The following VPS8 variants were observed in gnomAD, a reference collection of about 807,000 sequenced individuals.
The protein encoded by VPS8 is VPS8 subunit of CORVET complex.
A neutral mutation model predicts 216.4 loss-of-function variants in VPS8; 129 were observed. That is an observed-to-expected ratio of 0.60 (90% CI 0.52 to 0.69). The LOEUF (loss-of-function observed/expected upper bound fraction) is 0.69. Among genes scored for constraint, VPS8 ranks in the 30% least tolerant of loss-of-function variants. The pLI is 0.00. For synonymous variants in VPS8, 571 were observed against 565.4 expected, an observed-to-expected ratio of 1.01 and a Z score of -0.14; for missense variants, 1,531 against 1,683.5, an observed-to-expected ratio of 0.91 and a Z score of 1.59.
At chr3:185,048,678 C>A in intron 47 of VPS8, 119 bp downstream of exon 47, 1 of 1,073,830 alleles carries the variant, frequency 9.3e-7, no homozygotes, top group Non-Finnish European at 1.4e-6. Context: ...GCCCTGGCAT[C>A]CCTGTTATGG....
In VPS8 at chr3:184,983,107, G is replaced by A. The variant is rs776740468; in HGVS notation, c.3585+13G>A. On this transcript the variant is annotated intron_variant, in intron 42 of 47. Transcript: ENST00000625842. The stretch of plus-strand genomic sequence containing the variant: ...AAGAATCTTACAGGTGAGTTAAAAG[G>A]GGTGAATATTAAATATTGATTTCAA... 1.3e-6 allele frequency: 2 copies of A among 1,580,216 alleles called. No homozygotes were observed. Among genetic ancestry groups the A allele is most frequent in the South Asian group, 2.4e-5 (2 of 84,886 alleles).
At chr3:184,852,749 C>T (rs73188825) in intron 11 of VPS8, among the ~76,000 whole-genome samples, 182 bp downstream of exon 11, 12,219 of 152,108 alleles carry the variant, frequency 0.08, 672 homozygotes, top group Non-Finnish European at 0.11. Flanking sequence ...CTGGTCCTCC[C>T]GAGTTTTATC....
At chr3:184,904,569 T>C (rs1166386931) in intron 25 of VPS8, among the ~76,000 whole-genome samples, 1 of 152,250 alleles carries the variant, frequency 6.6e-6, no homozygotes, top group Non-Finnish European at 1.5e-5. Flanking sequence ...CTTTTAAATA[T>C]GTTGCTGGAT....
chr3:184,967,573 C>A lies in VPS8; in HGVS notation c.3316+860C>A, dbSNP rs930038217. On this transcript the variant is annotated intron_variant, in intron 39 of 47. Transcript: ENST00000625842. ...ATTGTGGTGGCCAGGCATGGTGGCT[C>A]ACACCTGTAATCCCAGCACTTTAGG... Among the ~76,000 whole-genome samples, 12 of 152,218 alleles carry A rather than the reference C, an allele frequency of 7.9e-5. No individual in the cohort carries two copies. The East Asian group carries it at 1.2e-3, about 15-fold the overall frequency.
At chr3:184,846,175 T>C (rs1226809817) in intron 8 of VPS8, among the ~76,000 whole-genome samples, 1 of 152,246 alleles carries the variant, frequency 6.6e-6, no homozygotes, top group East Asian at 1.9e-4. Context: ...ATAGTCATGA[T>C]ACCTTCTAAA....
chr3:184,970,721 G>A (rs1037705347), intron 39 of VPS8, among the ~76,000 whole-genome samples: 4 of 152,124 alleles, frequency 2.6e-5, no homozygotes, highest in Admixed American at 6.5e-5. Flanking sequence ...GTCCTTGGTG[G>A]TTTTTATGGA....
chr3:185,048,447 T>A (rs1713435273), intron 46 of VPS8, 32 bp from the exon 47 acceptor site: 1 of 1,609,630 alleles, frequency 6.2e-7, no homozygotes, highest in South Asian at 1.1e-5. Context: ...AGCCACGTGA[T>A]GTTGTTAATC....
At chr3:184,973,661 T>C (rs1227450087) in intron 40 of VPS8, among the ~76,000 whole-genome samples, 1 of 152,184 alleles carries the variant, frequency 6.6e-6, no homozygotes, top group African/African-American at 2.4e-5. Context: ...TTCTATCTAA[T>C]TGTATGCTTG....
rs1753160796 is a variant in VPS8 at position 184,999,862 on chromosome 3, GT to G, written c.4002+2del. 1.9e-6 allele frequency: 3 copies of G among 1,602,090 alleles called. No individual in the cohort carries two copies. The highest frequency in any genetic ancestry group is 2.6e-6 in the Non-Finnish European group (3 of 1,175,504). On this transcript the variant is annotated splice_donor_variant, in intron 45 of 47. Transcript: ENST00000625842. LOFTEE classifies it high-confidence loss of function. The stretch of plus-strand genomic sequence containing the variant: ...AAAGGGAAGGATAACCCCATCACAG[GT>G]AAGACTTGTTTTCGTGGCAAAATGG...
intron 15 of VPS8, 33 bp from the exon 16 acceptor site, chr3:184,862,864 T>G (rs1444192333): frequency 6.3e-7 from 1 of 1,593,628 alleles, no homozygotes; most frequent in Non-Finnish European, 8.6e-7. Flanking sequence ...GGGTGTGGTC[T>G]CACTTTTGTT....
intron 36 of VPS8, among the ~76,000 whole-genome samples, chr3:184,954,106 T>TA (rs2109439663): frequency 6.6e-6 from 1 of 152,242 alleles, no homozygotes; most frequent in East Asian, 1.9e-4. Context: ...ACACCTTACT[T>TA]ACATTTACTG....
chr3:184,984,540 G>A (rs1035664260), intron 42 of VPS8, among the ~76,000 whole-genome samples: 1 of 151,904 alleles, frequency 6.6e-6, no homozygotes, highest in South Asian at 2.1e-4. Flanking sequence ...TGATCCGCCC[G>A]CCTCAGCCTC....
At chr3:184,898,476 A>T (rs1398063655) in intron 23 of VPS8, 89 bp from the exon 24 acceptor site, 1 of 986,766 alleles carries the variant, frequency 1.0e-6, no homozygotes, top group African/African-American at 1.7e-5. Context: ...ATTAGGGAAG[A>T]GCATTCAAGA....
At chr3:184,821,906 A>G (rs911750338) in intron 1 of VPS8, among the ~76,000 whole-genome samples, 4 of 152,156 alleles carry the variant, frequency 2.6e-5, no homozygotes, top group Non-Finnish European at 5.9e-5. Context: ...TCCTGGTGAA[A>G]GACTCTGGCT....
At chr3:184,874,476 T>A (rs961559769) in intron 21 of VPS8, among the ~76,000 whole-genome samples, 1 of 152,198 alleles carries the variant, frequency 6.6e-6, no homozygotes, top group African/African-American at 2.4e-5. Flanking sequence ...GAATCAAGGT[T>A]CAAAGTGATC....
At chr3:185,034,304 A>G (rs552450092) in intron 46 of VPS8, among the ~76,000 whole-genome samples, 47 of 152,214 alleles carry the variant, frequency 3.1e-4, no homozygotes, top group African/African-American at 1.0e-3. Context: ...GGTTGATTAC[A>G]CGTCCTTGCT....
At chr3:185,044,509 T>C (rs1242054956) in intron 46 of VPS8, among the ~76,000 whole-genome samples, 3 of 152,122 alleles carry the variant, frequency 2.0e-5, no homozygotes, top group Non-Finnish European at 4.4e-5. Flanking sequence ...GAGGGAGGGT[T>C]GTCGCATCTG....
In VPS8 at chr3:184,894,761, G is replaced by T. The variant is rs370354028; in HGVS notation, c.1840G>T (p.Val614Leu). The change falls in exon 23 of 48, where the codon GTA becomes TTA. Residue 614 changes from valine (V) to leucine (L), a missense_variant. Physicochemically the swap from Val to Leu is conservative, Grantham distance 32. This residue lies in a region of VPS8 where 1,318 missense variants were observed against 1,468.4 expected (regional missense o/e 0.90). Coordinates refer to ENST00000625842, the MANE Select transcript of VPS8 (RefSeq NM_001009921.3). ...KLSENSVAKG[V>L]FLECLEPYIL... is the part of the protein sequence containing the mutation. ...AAGTGAGAATTCAGTGGCCAAAGGA[G>T]TATTTTTGGAGTGCCTTGAGCCATA... is the stretch of plus-strand genomic sequence containing the variant. 4.3e-6 allele frequency: 7 copies of T among 1,609,618 alleles called. No homozygotes were observed. The highest frequency in any genetic ancestry group is 1.3e-5 in the African/African-American group (1 of 74,782).
chr3:184,860,505 A>G (rs937371975), intron 15 of VPS8, among the ~76,000 whole-genome samples: 20 of 151,678 alleles, frequency 1.3e-4, no homozygotes, highest in African/African-American at 4.6e-4. Flanking sequence ...ACACACAGAA[A>G]GAGGGAGTCC....
Sources: gnomAD v4.1 joint callset for allele counts (sites outside exome capture counted in the v4.1 genomes callset) on GRCh38, gnomAD v4.1.1 for gene constraint, gnomAD v4.1.1 regional missense constraint, MANE v1.5 for transcripts, NCBI Gene and HGNC (gene_info 2026-07-23, HGNC 2026-07-21) for gene names.